Variants in NRXN1 observed in about 807,000 individuals in gnomAD.
The protein encoded by NRXN1 is neurexin 1.
A neutral mutation model predicts 150.9 loss-of-function variants in NRXN1; 39 were observed. The observed-to-expected ratio is 0.26, with a 90% CI of 0.20 to 0.34. The LOEUF is 0.34. Ranked by LOEUF, NRXN1 falls within the 10% of genes least tolerant of loss-of-function variation. NRXN1 has a pLI of 1.00. For synonymous variants in NRXN1, 924 were observed against 757.0 expected (o/e 1.22, Z -3.62); for missense variants, 1,815 against 1,949.9 (o/e 0.93, Z 1.30).
chr2:50,127,582 A>C (rs1395359577), intron 18 of NRXN1, among the ~76,000 whole-genome samples: 1 of 152,138 alleles, frequency 6.6e-6, no homozygotes, highest in East Asian at 1.9e-4. Flanking sequence ...AATAGGTATC[A>C]ATTTAATGTG....
chr2:50,054,667 G>T (rs1056190480), intron 20 of NRXN1, among the ~76,000 whole-genome samples: 1 of 152,082 alleles, frequency 6.6e-6, no homozygotes, highest in Non-Finnish European at 1.5e-5. Context: ...TTGGGTTAAT[G>T]CTTGCTGTGA....
chr2:50,693,856 A>G (rs1211804148), intron 5 of NRXN1, among the ~76,000 whole-genome samples: 1 of 152,120 alleles, frequency 6.6e-6, no homozygotes, highest in Non-Finnish European at 1.5e-5. Flanking sequence ...CAGTGGTGCA[A>G]CCGTAGCTTA....
intron 22 of NRXN1, among the ~76,000 whole-genome samples, chr2:49,922,776 G>A (rs1388141913): frequency 6.6e-6 from 1 of 152,092 alleles, no homozygotes; most frequent in Non-Finnish European, 1.5e-5. Flanking sequence ...CATTTTAACT[G>A]TCTGCTTTTT....
intron 5 of NRXN1, among the ~76,000 whole-genome samples, chr2:50,650,555 T>C (rs1370060626): frequency 2.0e-5 from 3 of 152,046 alleles, no homozygotes; most frequent in Non-Finnish European, 2.9e-5. Flanking sequence ...AGCTTGCTTT[T>C]TTATTCCAGA....
At position 50,928,864 on chromosome 2, in the gene NRXN1, G is replaced by A. The variant is rs116522489; in HGVS notation, c.773-2909C>T. 5.8e-3 allele frequency among the ~76,000 whole-genome samples: 887 copies of A among 152,162 alleles called. 4 individuals carry two copies. Among genetic ancestry groups the A allele is most frequent in the Non-Finnish European group, 8.9e-3 (608 of 67,994 alleles). On this transcript the variant is annotated intron_variant, in intron 2 of 22. Coordinates refer to ENST00000401669, the MANE Select transcript of NRXN1 (RefSeq NM_001330078.2). ...AATCCTTGCTGAGTAAATGAAGTGCGTCTCTTAATCATTAACTTTACTACG... is the reference window on the plus strand; with the variant it reads ...AATCCTTGCTGAGTAAATGAAGTGCATCTCTTAATCATTAACTTTACTACG...
intron 5 of NRXN1, among the ~76,000 whole-genome samples, chr2:50,911,143 T>C (rs532840497): frequency 2.6e-5 from 4 of 152,164 alleles, no homozygotes; most frequent in Non-Finnish European, 5.9e-5. Flanking sequence ...TCAAATCACA[T>C]GCAATATGTA....
chr2:50,977,378 C>T (rs1010017592), intron 2 of NRXN1, among the ~76,000 whole-genome samples: 3 of 151,734 alleles, frequency 2.0e-5, no homozygotes, highest in Admixed American at 2.0e-4. Flanking sequence ...ATATTATATA[C>T]ATAATTTTAC....
intron 17 of NRXN1, among the ~76,000 whole-genome samples, chr2:50,254,342 ATTATTTTTT>A (rs2067478469): frequency 6.8e-6 from 1 of 146,464 alleles, no homozygotes; most frequent in Non-Finnish European, 1.5e-5. Context: ...TATCTGTCTT[ATTATTTTTT>A]TTCAAAAGAC....
chr2:50,505,676 T>A (rs1410711720), intron 13 of NRXN1, among the ~76,000 whole-genome samples: 1 of 152,164 alleles, frequency 6.6e-6, no homozygotes, highest in East Asian at 1.9e-4. Context: ...AAGTTTAAAA[T>A]CCTGTAGGTA....
At chr2:50,878,989 C>T (rs1679030349) in intron 5 of NRXN1, among the ~76,000 whole-genome samples, 1 of 151,854 alleles carries the variant, frequency 6.6e-6, no homozygotes, top group Non-Finnish European at 1.5e-5. Context: ...TATGTGCCAA[C>T]TTGGCTATGA....
At chr2:50,828,725 G>A (rs1306830666) in intron 5 of NRXN1, among the ~76,000 whole-genome samples, 1 of 151,760 alleles carries the variant, frequency 6.6e-6, no homozygotes, top group Non-Finnish European at 1.5e-5. Flanking sequence ...GCCGGGCAGA[G>A]ACCCTCCTCA....
At chr2:50,910,579 T>C (rs1684379233) in intron 5 of NRXN1, among the ~76,000 whole-genome samples, 1 of 151,948 alleles carries the variant, frequency 6.6e-6, no homozygotes, top group African/African-American at 2.4e-5. Context: ...TACCAAGCTC[T>C]ACCCTTAATT....
chr2:50,909,058 AT>A (rs543703169), intron 5 of NRXN1, among the ~76,000 whole-genome samples: 1 of 152,034 alleles, frequency 6.6e-6, no homozygotes, highest in African/African-American at 2.4e-5. Flanking sequence ...TATAGAAAGT[AT>A]TTTTTTAAGT....
intron 19 of NRXN1, among the ~76,000 whole-genome samples, chr2:50,071,710 A>T (rs1329185189): frequency 6.6e-6 from 1 of 152,230 alleles, no homozygotes; most frequent in African/African-American, 2.4e-5. Flanking sequence ...AAACTAATAC[A>T]GAGATAATTT....
chr2:50,142,543 T>G (rs565482015), intron 18 of NRXN1, among the ~76,000 whole-genome samples: 49 of 152,040 alleles, frequency 3.2e-4, no homozygotes, highest in African/African-American at 1.1e-3. Flanking sequence ...TCGTTACACA[T>G]TCTATACATA....
intron 2 of NRXN1, among the ~76,000 whole-genome samples, chr2:50,931,116 T>C (rs1687674304): frequency 6.6e-6 from 1 of 152,148 alleles, no homozygotes; most frequent in Non-Finnish European, 1.5e-5. Flanking sequence ...TGCAATGTGT[T>C]CTAGGTTTGC....
At chr2:50,553,716 G>C (rs745710013) in intron 8 of NRXN1, among the ~76,000 whole-genome samples, 4 of 152,186 alleles carry the variant, frequency 2.6e-5, no homozygotes, top group Admixed American at 2.0e-4. Flanking sequence ...CTGTGTTACT[G>C]GTGATCCATT....
intron 2 of NRXN1, among the ~76,000 whole-genome samples, chr2:50,964,192 C>A (rs1693678382): frequency 6.6e-6 from 1 of 151,460 alleles, no homozygotes. Flanking sequence ...AAGGAAAAAC[C>A]TTTATGCTGT....
intron 18 of NRXN1, among the ~76,000 whole-genome samples, chr2:50,189,464 T>C (rs1574405284): frequency 1.3e-5 from 2 of 152,138 alleles, no homozygotes; most frequent in South Asian, 2.1e-4. Flanking sequence ...CGTATACTTA[T>C]GTAACAAACC....
Sources: allele counts gnomAD v4.1 joint callset (sites outside exome capture counted in the v4.1 genomes callset), GRCh38; gene constraint gnomAD v4.1.1; transcripts MANE v1.5; gene names NCBI Gene and HGNC (gene_info 2026-07-23, HGNC 2026-07-21).